Variants in CUX1 observed in about 807,000 individuals in gnomAD.
The protein encoded by CUX1 is protein CASP.
Under a neutral mutation model 158.8 loss-of-function variants are expected in CUX1, and 31 were observed. The ratio of observed to expected loss-of-function variants is 0.20; its 90% CI spans 0.15 to 0.26. The LOEUF (loss-of-function observed/expected upper bound fraction) is 0.26, where lower values mean the gene tolerates loss of function less well. Among genes scored for constraint, CUX1 ranks in the 10% least tolerant of loss-of-function variants. CUX1 has a pLI of 1.00. For synonymous variants in CUX1, 879 were observed against 862.1 expected, an observed-to-expected ratio of 1.02 and a Z score of -0.34; for missense variants, 1,589 against 2,014.6, an observed-to-expected ratio of 0.79 and a Z score of 4.04.
At chr7:102,149,704 G>T (rs781976178) in intron 8 of CUX1, among the ~76,000 whole-genome samples, 1 of 152,136 alleles carries the variant, frequency 6.6e-6, no homozygotes, top group Non-Finnish European at 1.5e-5. Context: ...GCCCTTCTCC[G>T]TAAGTTCAGG....
intron 8 of CUX1, among the ~76,000 whole-genome samples, chr7:102,133,341 C>CCT (rs1833531762): frequency 6.6e-6 from 1 of 152,058 alleles, no homozygotes; most frequent in East Asian, 1.9e-4. Context: ...CTTGCCTGCT[C>CCT]CTATGCCCAC....
intron 21 of CUX1, among the ~76,000 whole-genome samples, chr7:102,230,324 T>G (rs1798827012): frequency 6.6e-6 from 1 of 151,028 alleles, no homozygotes; most frequent in Non-Finnish European, 1.5e-5. Context: ...AAAAAAAAAT[T>G]TTTTAAAAAT....
chr7:101,956,039 G>A (rs528582567), intron 2 of CUX1, among the ~76,000 whole-genome samples: 13 of 151,590 alleles, frequency 8.6e-5, no homozygotes, highest in African/African-American at 2.7e-4. Flanking sequence ...AAAATTAGCC[G>A]GGTGAGGTGG....
intron 1 of CUX1, among the ~76,000 whole-genome samples, chr7:101,906,710 C>T (rs1802800336): frequency 6.6e-6 from 1 of 152,194 alleles, no homozygotes; most frequent in Non-Finnish European, 1.5e-5. Flanking sequence ...TGACTCCTAG[C>T]AGCTGCCGTA....
At chr7:102,072,940 CTT>C (rs1470825367) in intron 4 of CUX1, among the ~76,000 whole-genome samples, 1 of 151,972 alleles carries the variant, frequency 6.6e-6, no homozygotes, top group African/African-American at 2.4e-5. Context: ...CATTCTTTGA[CTT>C]TTTGTTGGTT....
chr7:102,069,293 C>G (rs1825879818), intron 3 of CUX1, among the ~76,000 whole-genome samples: 1 of 152,172 alleles, frequency 6.6e-6, no homozygotes, highest in Non-Finnish European at 1.5e-5. Flanking sequence ...ACTTGATTGT[C>G]CAGCTGCGTC....
intron 4 of CUX1, among the ~76,000 whole-genome samples, chr7:102,087,399 G>A (rs541574877): frequency 6.6e-6 from 1 of 152,218 alleles, no homozygotes; most frequent in African/African-American, 2.4e-5. Context: ...TGACCAACAT[G>A]GAGAAACCCT....
intron 23 of CUX1, among the ~76,000 whole-genome samples, chr7:102,241,632 T>C (rs1800222154): frequency 6.6e-6 from 1 of 152,166 alleles, no homozygotes. Flanking sequence ...AACTAAAATA[T>C]TAGGTCAGAG....
chr7:101,872,394 A>G (rs921882203), intron 1 of CUX1, among the ~76,000 whole-genome samples: 3 of 152,088 alleles, frequency 2.0e-5, no homozygotes, highest in Admixed American at 1.3e-4. Flanking sequence ...TTGGCCTCCC[A>G]AAGTGTTGGG....
chr7:102,127,225 G>A (rs201519), intron 8 of CUX1, among the ~76,000 whole-genome samples: 79,471 of 151,906 alleles, frequency 0.52, 21,392 homozygotes, highest in Middle Eastern at 0.66. Flanking sequence ...TTCTTTTTAC[G>A]AGATAGGGTC....
intron 3 of CUX1, among the ~76,000 whole-genome samples, chr7:102,045,356 T>A (rs1442019158): frequency 6.6e-6 from 1 of 152,196 alleles, no homozygotes; most frequent in Admixed American, 6.5e-5. Context: ...GCCGTGCGCC[T>A]GTGGAAAGGG....
At chr7:102,269,572 ATTTTTTT>A (rs71123030) in intron 14 of CUX1, among the ~76,000 whole-genome samples, 1 of 107,804 alleles carries the variant, frequency 9.3e-6, no homozygotes, top group Non-Finnish European at 1.7e-5. Flanking sequence ...TGCCCGGCTA[ATTTTTTT>A]TTTTTTTTTT....
At chr7:101,908,450 TTTTGTTTG>T (rs59267502) in intron 1 of CUX1, among the ~76,000 whole-genome samples, 70 of 150,290 alleles carry the variant, frequency 4.7e-4, no homozygotes, top group Middle Eastern at 3.4e-3. Context: ...CCAGCCTGTT[TTTTGTTTG>T]TTTGTTTGTT....
At chr7:102,155,823 G>T (rs1554505089) in intron 8 of CUX1, among the ~76,000 whole-genome samples, 1 of 152,110 alleles carries the variant, frequency 6.6e-6, no homozygotes, top group African/African-American at 2.4e-5. Context: ...GATACAGAAG[G>T]ATGTTTCATC....
intron 1 of CUX1, among the ~76,000 whole-genome samples, chr7:101,885,954 A>G (rs943488609): frequency 1.4e-4 from 21 of 152,202 alleles, no homozygotes; most frequent in African/African-American, 4.6e-4. Flanking sequence ...ACTGAGGCAC[A>G]GGGTCCTTCA....
rs1365944155 is a variant in CUX1 at position 102,256,932 on chromosome 7, AG to A, written c.*7891del. Reference sequence around the variant, plus strand: ...ATCTTTCAAAGCAACAGTGTTTTGTAGTACCAGGCTGTGGCTTGAGGGCTCA... The same window carrying A: ...ATCTTTCAAAGCAACAGTGTTTTGTATACCAGGCTGTGGCTTGAGGGCTCA... On this transcript the variant is annotated 3_prime_UTR_variant, in exon 24 of 24. Transcript: ENST00000292535. The A allele has an allele frequency of 2.0e-6, 2 of 985,374 alleles. No individual in the cohort carries two copies. The highest frequency in any genetic ancestry group is 2.4e-6 in the Non-Finnish European group (2 of 829,988). 61.0% of individuals were successfully genotyped at this position (985,374 alleles called of 1,614,324 possible).
At position 101,927,619 on chromosome 7, in the gene CUX1, C is replaced by G. The variant is rs550213158; in HGVS notation, c.141+11394C>G. Among the ~76,000 whole-genome samples the G allele has an allele frequency of 2.8e-3, 434 of 152,296 alleles. 1 individual carries two copies. Among genetic ancestry groups the G allele is most frequent in the African/African-American group, 0.01 (423 of 41,550 alleles). ...GAGCTATGATTGCGTCACTGCACCC[C>G]AGCCTGGGCGGCAGAGCAAGACCCT... On this transcript the variant is annotated intron_variant, in intron 2 of 23. Transcript: ENST00000292535.
intron 2 of CUX1, among the ~76,000 whole-genome samples, chr7:102,000,292 G>C (rs1816533201): frequency 6.6e-6 from 1 of 151,850 alleles, no homozygotes; most frequent in Admixed American, 6.6e-5. Flanking sequence ...TGAGACACAT[G>C]TGTCTTAAGC....
At chr7:101,902,389 A>G (rs1802249837) in intron 1 of CUX1, among the ~76,000 whole-genome samples, 3 of 152,208 alleles carry the variant, frequency 2.0e-5, no homozygotes, top group African/African-American at 7.2e-5. Context: ...TGTTGATTAA[A>G]TGGTCTCTAC....
Sources: allele counts gnomAD v4.1 joint callset (sites outside exome capture counted in the v4.1 genomes callset), GRCh38; gene constraint gnomAD v4.1.1; transcripts MANE v1.5; gene names NCBI Gene and HGNC (gene_info 2026-07-23, HGNC 2026-07-21).